Variants in TNR observed in about 807,000 individuals in gnomAD.
The protein encoded by TNR is tenascin-R.
A neutral mutation model predicts 150.4 loss-of-function variants in TNR; 45 were observed. That is an observed-to-expected ratio of 0.30 (90% confidence interval 0.24 to 0.38). The LOEUF is 0.38. Ranked by LOEUF, TNR falls within the 10% of genes least tolerant of loss-of-function variation. The probability of loss-of-function intolerance (pLI) is 1.00; values close to 1 mark genes in which losing one functional copy is unlikely to be tolerated. For synonymous variants in TNR, 687 were observed against 678.4 expected (o/e 1.01, Z -0.20); for missense variants, 1,544 against 1,759.1 (o/e 0.88, Z 2.19).
At chr1:175,443,242 T>A (rs988306989) in intron 2 of TNR, among the ~76,000 whole-genome samples, 6 of 152,332 alleles carry the variant, frequency 3.9e-5, no homozygotes, top group African/African-American at 1.4e-4. Context: ...CGTTTACAAC[T>A]AGATATTTGT....
chr1:175,443,437 T>C (rs1655884115), intron 2 of TNR, among the ~76,000 whole-genome samples: 1 of 152,162 alleles, frequency 6.6e-6, no homozygotes, highest in Non-Finnish European at 1.5e-5. Flanking sequence ...TACCCCAGGC[T>C]CCCAGGCCAG....
At chr1:175,438,446 G>A (rs1271749401) in intron 2 of TNR, among the ~76,000 whole-genome samples, 1 of 152,158 alleles carries the variant, frequency 6.6e-6, no homozygotes, top group African/African-American at 2.4e-5. Flanking sequence ...AAAACTGGGA[G>A]CATTCCCTTT....
In TNR at chr1:175,678,221, C is replaced by CCCATGGAAGGTGGGCTGGGGTGGA. The variant is rs1260533344; in HGVS notation, c.-165+64981_-165+65004dup. Among the ~76,000 whole-genome samples the CCCATGGAAGGTGGGCTGGGGTGGA allele has an allele frequency of 3.9e-5, 6 of 152,240 alleles. No homozygotes were observed. The East Asian group carries it at 1.2e-3, about 29-fold the overall frequency. On this transcript the variant is annotated intron_variant, in intron 1 of 22. Transcript: ENST00000367674. The stretch of plus-strand genomic sequence containing the variant: ...GGATGAGGGAGGTGGCGTTGAGTAC[C>CCCATGGAAGGTGGGCTGGGGTGGA]CCATGGAAGGTGGGCTGGGGTGGAA...
intron 1 of TNR, among the ~76,000 whole-genome samples, chr1:175,633,704 G>C (rs542490916): frequency 6.6e-6 from 1 of 152,280 alleles, no homozygotes; most frequent in South Asian, 2.1e-4. Context: ...TTTCGGCCAG[G>C]AAAGGGAGGA....
intron 1 of TNR, among the ~76,000 whole-genome samples, chr1:175,716,950 G>T (rs534606542): frequency 2.0e-4 from 31 of 152,228 alleles, no homozygotes; most frequent in African/African-American, 7.5e-4. Context: ...TCCAAGCTGA[G>T]CCCAATTTAC....
At chr1:175,460,292 AC>A (rs745454034) in intron 2 of TNR, among the ~76,000 whole-genome samples, 3 of 152,084 alleles carry the variant, frequency 2.0e-5, no homozygotes, top group Non-Finnish European at 4.4e-5. Flanking sequence ...GCTCTCTGCT[AC>A]CTTCTGCTAG....
chr1:175,441,269 CT>C (rs1655777339), intron 2 of TNR, among the ~76,000 whole-genome samples: 1 of 151,994 alleles, frequency 6.6e-6, no homozygotes, highest in African/African-American at 2.4e-5. Flanking sequence ...TAATTTCACT[CT>C]AGTTTTGATC....
In TNR at chr1:175,633,846, C is replaced by T. The variant is rs116302868; in HGVS notation, c.-164-105477G>A. On this transcript the variant is annotated intron_variant, in intron 1 of 22. Coordinates refer to ENST00000367674, the MANE Select transcript of TNR (RefSeq NM_003285.3). Reference sequence around the variant, plus strand: ...TATTAGGGAATTGTGTTCACATCTTCCATAGACCAGATATGGTTCTGGCAA... The same window carrying T: ...TATTAGGGAATTGTGTTCACATCTTTCATAGACCAGATATGGTTCTGGCAA... 7.4e-3 allele frequency among the ~76,000 whole-genome samples: 1,127 copies of T among 152,250 alleles called. 6 individuals carry two copies. Among genetic ancestry groups the T allele is most frequent in the Non-Finnish European group, 0.012 (839 of 68,022 alleles).
chr1:175,606,801 G>A (rs577121560), intron 1 of TNR, among the ~76,000 whole-genome samples: 3 of 152,146 alleles, frequency 2.0e-5, no homozygotes, highest in Non-Finnish European at 4.4e-5. Flanking sequence ...TTCTCCTCTG[G>A]CTTTGAACCA....
At chr1:175,567,543 C>A (rs117400950) in intron 1 of TNR, among the ~76,000 whole-genome samples, 1 of 152,120 alleles carries the variant, frequency 6.6e-6, no homozygotes, top group African/African-American at 2.4e-5. Context: ...GAAGCATCTG[C>A]GGGTCTAACA....
At chr1:175,610,523 A>G (rs997880486) in intron 1 of TNR, among the ~76,000 whole-genome samples, 1 of 152,190 alleles carries the variant, frequency 6.6e-6, no homozygotes, top group African/African-American at 2.4e-5. Context: ...CTCCCCTTTA[A>G]CAGCCCCTCC....
At chr1:175,607,989 C>A (rs555484588) in intron 1 of TNR, among the ~76,000 whole-genome samples, 2 of 152,318 alleles carry the variant, frequency 1.3e-5, no homozygotes, top group East Asian at 3.9e-4. Flanking sequence ...GAAGGGACAG[C>A]AGAGGCTTTC....
At chr1:175,563,268 G>A (rs1285482137) in intron 1 of TNR, among the ~76,000 whole-genome samples, 2 of 152,210 alleles carry the variant, frequency 1.3e-5, no homozygotes, top group South Asian at 2.1e-4. Flanking sequence ...CCAGTAAAAA[G>A]GCAAGTGGAT....
chr1:175,594,843 T>G (rs1474447950), intron 1 of TNR, among the ~76,000 whole-genome samples: 14 of 119,078 alleles, frequency 1.2e-4, no homozygotes, highest in African/African-American at 2.0e-4. Flanking sequence ...GGCAACAGAG[T>G]GAGACCTTGT....
intron 3 of TNR, 21 bp downstream of exon 3, chr1:175,406,195 C>A: frequency 1.2e-6 from 2 of 1,606,322 alleles, no homozygotes; most frequent in South Asian, 2.2e-5. Context: ...TGAGACCACG[C>A]TGCGAGCTCC....
At chr1:175,726,001 G>T (rs904050811) in intron 1 of TNR, among the ~76,000 whole-genome samples, 1 of 152,144 alleles carries the variant, frequency 6.6e-6, no homozygotes, top group African/African-American at 2.4e-5. Context: ...AAACTGCAAT[G>T]AGAAAAAAGA....
intron 9 of TNR, among the ~76,000 whole-genome samples, chr1:175,373,963 G>C (rs572651171): frequency 1.3e-5 from 2 of 152,294 alleles, no homozygotes; most frequent in East Asian, 1.9e-4. Context: ...CATGTTTAGA[G>C]GGTGCCTTAC....
intron 21 of TNR, among the ~76,000 whole-genome samples, chr1:175,326,235 T>C (rs1649383553): frequency 6.6e-6 from 1 of 152,194 alleles, no homozygotes; most frequent in African/African-American, 2.4e-5. Flanking sequence ...TATAACAGTT[T>C]ATAAAACTTT....
At chr1:175,552,501 G>A (rs1323782322) in intron 1 of TNR, among the ~76,000 whole-genome samples, 1 of 152,202 alleles carries the variant, frequency 6.6e-6, no homozygotes, top group African/African-American at 2.4e-5. Flanking sequence ...TACTCAGGGT[G>A]AGGAATTTGT....
Sources: gnomAD v4.1 joint callset for allele counts (sites outside exome capture counted in the v4.1 genomes callset) on GRCh38, gnomAD v4.1.1 for gene constraint, MANE v1.5 for transcripts, NCBI Gene and HGNC (gene_info 2026-07-23, HGNC 2026-07-21) for gene names.